Variants in PLPPR5 observed in about 807,000 individuals in gnomAD.
The protein encoded by PLPPR5 is phospholipid phosphatase related 5, also known as phospholipid phosphatase-related protein type 5.
PLPPR5 carries 16 observed loss-of-function variants against 33.9 expected under a neutral mutation model. The observed-to-expected ratio is 0.47, with a 90% CI of 0.32 to 0.72. The LOEUF (loss-of-function observed/expected upper bound fraction) is 0.72. Among genes scored for constraint, PLPPR5 ranks in the 30% least tolerant of loss-of-function variants. PLPPR5 has a pLI of 0.03. For synonymous variants in PLPPR5, 163 were observed against 150.3 expected, an observed-to-expected ratio of 1.08 and a Z score of -0.62; for missense variants, 301 against 406.7, an observed-to-expected ratio of 0.74 and a Z score of 2.23.
At chr1:98,950,941 A>G (rs1650761137) in intron 3 of PLPPR5, among the ~76,000 whole-genome samples, 1 of 151,892 alleles carries the variant, frequency 6.6e-6, no homozygotes, top group African/African-American at 2.4e-5. Context: ...CTCCAAAGTG[A>G]TCTTTCTGCT....
chr1:98,915,813 C>A (rs990627403), intron 4 of PLPPR5, among the ~76,000 whole-genome samples: 2 of 152,110 alleles, frequency 1.3e-5, no homozygotes, highest in African/African-American at 4.8e-5. Flanking sequence ...TTCAAAAATG[C>A]ATTCGAGAAG....
At chr1:99,000,824 A>G (rs891234289) in intron 1 of PLPPR5, among the ~76,000 whole-genome samples, 1 of 152,194 alleles carries the variant, frequency 6.6e-6, no homozygotes, top group Non-Finnish European at 1.5e-5. Context: ...CTAATTTCAC[A>G]AATTAGACTG....
At chr1:98,965,613 T>C (rs983833310) in intron 1 of PLPPR5, among the ~76,000 whole-genome samples, 5 of 152,220 alleles carry the variant, frequency 3.3e-5, no homozygotes, top group African/African-American at 1.2e-4. Context: ...TTTGTTCTCA[T>C]ACCTCAACCT....
At chr1:98,930,968 G>A (rs1005973105) in intron 3 of PLPPR5, among the ~76,000 whole-genome samples, 1 of 152,080 alleles carries the variant, frequency 6.6e-6, no homozygotes. Flanking sequence ...CTTCTCCCAC[G>A]CCTACCAGAT....
At chr1:98,995,551 C>CT (rs1248666233) in intron 1 of PLPPR5, among the ~76,000 whole-genome samples, 1 of 152,018 alleles carries the variant, frequency 6.6e-6, no homozygotes, top group Non-Finnish European at 1.5e-5. Flanking sequence ...GGGTACAGGA[C>CT]TCTAGTAAGG....
chr1:98,969,006 T>C (rs1651553094), intron 1 of PLPPR5, among the ~76,000 whole-genome samples: 1 of 152,122 alleles, frequency 6.6e-6, no homozygotes, highest in African/African-American at 2.4e-5. Context: ...TTTATGAGTA[T>C]AGTTTCCTCC....
At chr1:98,988,933 G>A (rs556450309) in intron 1 of PLPPR5, among the ~76,000 whole-genome samples, 18 of 152,028 alleles carry the variant, frequency 1.2e-4, no homozygotes, top group Non-Finnish European at 1.9e-4. Context: ...CACCCAGCAC[G>A]TAACTTTAGC....
chr1:98,918,139 TG>T (rs1649424764), intron 4 of PLPPR5, among the ~76,000 whole-genome samples: 1 of 152,204 alleles, frequency 6.6e-6, no homozygotes, highest in Non-Finnish European at 1.5e-5. Flanking sequence ...CACTCTTTGT[TG>T]GCAAATGAAA....
intron 3 of PLPPR5, among the ~76,000 whole-genome samples, chr1:98,929,775 A>G (rs1455364631): frequency 6.6e-6 from 1 of 152,218 alleles, no homozygotes; most frequent in Non-Finnish European, 1.5e-5. Context: ...AATATACTGC[A>G]CATATGGCAC....
intron 1 of PLPPR5, among the ~76,000 whole-genome samples, chr1:98,987,063 GATAA>G (rs2100757208): frequency 6.6e-6 from 1 of 151,782 alleles, no homozygotes; most frequent in East Asian, 1.9e-4. Flanking sequence ...TATCACTCTG[GATAA>G]ATAAATGACT....
At chr1:98,966,557 A>T (rs144315265) in intron 1 of PLPPR5, among the ~76,000 whole-genome samples, 1 of 152,316 alleles carries the variant, frequency 6.6e-6, no homozygotes, top group East Asian at 1.9e-4. Flanking sequence ...AGCCGTGGTT[A>T]TAATTGTGGG....
intron 3 of PLPPR5, among the ~76,000 whole-genome samples, chr1:98,950,877 C>T (rs1650758548): frequency 6.6e-6 from 1 of 151,782 alleles, no homozygotes; most frequent in Admixed American, 6.6e-5. Context: ...TTTTCTTTCT[C>T]TCTCTCTTTT....
chr1:98,947,442 T>C (rs1243105126), intron 3 of PLPPR5, among the ~76,000 whole-genome samples: 7 of 152,228 alleles, frequency 4.6e-5, no homozygotes, highest in Non-Finnish European at 1.0e-4. Flanking sequence ...TCTAGGTCTT[T>C]AGTCATTTAC....
chr1:98,946,467 G>A (rs1258454227), intron 3 of PLPPR5, among the ~76,000 whole-genome samples: 1 of 152,072 alleles, frequency 6.6e-6, no homozygotes. Context: ...AGTTCCAAAT[G>A]TACACCCTCG....
At chr1:98,908,407 G>A (rs1461591974) in intron 5 of PLPPR5, among the ~76,000 whole-genome samples, 1 of 152,044 alleles carries the variant, frequency 6.6e-6, no homozygotes, top group Non-Finnish European at 1.5e-5. Flanking sequence ...GAGTGTAAAA[G>A]TAATGAAATG....
chr1:98,975,946 T>C (rs1485822797), intron 1 of PLPPR5, among the ~76,000 whole-genome samples: 1 of 151,960 alleles, frequency 6.6e-6, no homozygotes, highest in African/African-American at 2.4e-5. Context: ...CTGCCTGGCA[T>C]GTAATATATA....
At chr1:98,940,333 GGACACAATCCCATCATGA>G (rs1650326615) in intron 3 of PLPPR5, among the ~76,000 whole-genome samples, 3 of 151,834 alleles carry the variant, frequency 2.0e-5, no homozygotes, top group African/African-American at 7.2e-5. Flanking sequence ...CTTCTTATAA[GGACACAATCCCATCATGA>G]GGGCCTTACC....
At chr1:98,971,565 C>CCCCT (rs1178767140) in intron 1 of PLPPR5, among the ~76,000 whole-genome samples, 1 of 151,998 alleles carries the variant, frequency 6.6e-6, no homozygotes, top group Non-Finnish European at 1.5e-5. Flanking sequence ...TCCTATCCAG[C>CCCCT]CCCTTCATCC....
rs146774073 is a variant in PLPPR5, at chr1:98,907,944, G to T, written c.933+6842C>A. 1.1e-3 allele frequency among the ~76,000 whole-genome samples: 161 copies of T among 152,298 alleles called. 2 individuals carry two copies. The highest frequency in any genetic ancestry group is 3.7e-3 in the African/African-American group (155 of 41,568). On this transcript the variant is annotated intron_variant, in intron 5 of 5. Coordinates refer to ENST00000263177, the MANE Select transcript of PLPPR5 (RefSeq NM_001037317.2). ...GCCAAAGGTAACTTCCCATCCAGGT[G>T]TGGGGTACCTATCCAGTTCACAAAA...
Sources: gnomAD v4.1 joint callset for allele counts (sites outside exome capture counted in the v4.1 genomes callset) on GRCh38, gnomAD v4.1.1 for gene constraint, MANE v1.5 for transcripts, NCBI Gene and HGNC (gene_info 2026-07-23, HGNC 2026-07-21) for gene names.